The following RAI2 variants were observed in gnomAD, a reference collection of about 807,000 sequenced individuals.
RAI2 encodes the protein retinoic acid induced 2, also known as retinoic acid-induced protein 2.
Under a neutral mutation model 15.3 loss-of-function variants are expected in RAI2, and 5 were observed. The observed-to-expected ratio is 0.33, with a 90% CI of 0.17 to 0.69. The LOEUF is 0.69. Among genes scored for constraint, RAI2 ranks in the 30% least tolerant of loss-of-function variants. The pLI is 0.69. For missense variants in RAI2, 424 were observed against 424.7 expected (o/e 1.00, Z 0.01); for synonymous variants, 191 against 184.0 (o/e 1.04, Z -0.31).
intron 1 of RAI2, among the ~76,000 whole-genome samples, chrX:17,822,358 G>A (rs762852647): frequency 2.7e-5 from 3 of 111,971 alleles, no homozygotes; most frequent in South Asian, 7.5e-4. Context: ...CGTGACTAAA[G>A]ACATTTGAGT....
chrX:17,839,658 T>C lies in RAI2; in HGVS notation c.-25+21440A>G, dbSNP rs887318698. 2.7e-5 allele frequency among the ~76,000 whole-genome samples: 3 copies of C among 112,638 alleles called. No individual in the cohort carries two copies. The Admixed American group carries it at 2.8e-4, about 11-fold the overall frequency. ...ACAGTGAAAAATTCCCATCAGCGTA[T>C]GCACCATTTAACTCTCAGGAATCTC... On this transcript the variant is annotated intron_variant, in intron 1 of 1. Coordinates refer to ENST00000451717, the MANE Select transcript of RAI2 (RefSeq NM_021785.6).
chrX:17,802,771 G>A (rs1377178752), intron 1 of RAI2, among the ~76,000 whole-genome samples: 3 of 111,703 alleles, frequency 2.7e-5, no homozygotes, highest in Admixed American at 9.5e-5. Flanking sequence ...GAGGGCATTG[G>A]TGAGCCTAGG....
intron 1 of RAI2, chrX:17,837,702 A>G (rs2067350847): frequency 8.9e-6 from 1 of 112,550 alleles, no homozygotes; most frequent in African/African-American, 3.2e-5. Context: ...GCCTTATGCA[A>G]GTTGACTGCT....
chrX:17,801,267 G>A lies in RAI2; in HGVS notation c.744C>T (p.Ile248=). The part of the protein sequence containing the change: ...VPLPVPVPIP[I]PIPMPQSSES... The stretch of plus-strand genomic sequence containing the variant: ...CAGAACTCTGAGGCATCGGGATGGG[G>A]ATGGGAATAGGGACTGGCACAGGCA... Residue 248 remains isoleucine, a synonymous_variant, in exon 2 of 2, where the codon ATC becomes ATT. Coordinates refer to ENST00000451717, the MANE Select transcript of RAI2 (RefSeq NM_021785.6). 3.3e-6 allele frequency: 4 copies of A among 1,201,502 alleles called. No individual in the cohort carries two copies. Among genetic ancestry groups the A allele is most frequent in the Non-Finnish European group, 4.5e-6 (4 of 889,152 alleles).
intron 1 of RAI2, among the ~76,000 whole-genome samples, chrX:17,803,758 C>G (rs73189167): frequency 0.042 from 4,589 of 110,159 alleles, 255 homozygotes; most frequent in African/African-American, 0.14. Context: ...GGATCCAGAG[C>G]GTGTCTCCCT....
At chrX:17,853,172 A>G (rs1461050406) in intron 1 of RAI2, among the ~76,000 whole-genome samples, 1 of 111,345 alleles carries the variant, frequency 9.0e-6, no homozygotes, top group Non-Finnish European at 1.9e-5. Context: ...AGAAGCCACT[A>G]GTTCTTACAA....
At chrX:17,819,321 TA>T (rs2067140082) in intron 1 of RAI2, among the ~76,000 whole-genome samples, 2 of 112,267 alleles carry the variant, frequency 1.8e-5, no homozygotes, top group Non-Finnish European at 3.8e-5. Context: ...TTACAACAGC[TA>T]AACATTTAAA....
chrX:17,823,662 G>A (rs1212037425), intron 1 of RAI2, among the ~76,000 whole-genome samples: 1 of 111,924 alleles, frequency 8.9e-6, no homozygotes, highest in African/African-American at 3.2e-5. Context: ...ACTTTGATCA[G>A]GTAGCTTTGA....
intron 1 of RAI2, among the ~76,000 whole-genome samples, chrX:17,828,357 C>T (rs1056607329): frequency 9.9e-5 from 11 of 110,983 alleles, no homozygotes; most frequent in African/African-American, 3.6e-4. Flanking sequence ...ACCACAGCCT[C>T]TCCCTCCTGC....
chrX:17,815,686 T>C (rs2067099514), intron 1 of RAI2, among the ~76,000 whole-genome samples: 1 of 111,021 alleles, frequency 9.0e-6, no homozygotes, highest in East Asian at 2.8e-4. Flanking sequence ...TAGCGGAGAG[T>C]CAAGAGTGCT....
At chrX:17,845,129 C>G (rs1214114667) in intron 1 of RAI2, among the ~76,000 whole-genome samples, 1 of 112,087 alleles carries the variant, frequency 8.9e-6, no homozygotes, top group Non-Finnish European at 1.9e-5. Context: ...TACAGTGGTA[C>G]AGAGTGCCAC....
chrX:17,841,530 C>T (rs1395646040), intron 1 of RAI2, among the ~76,000 whole-genome samples: 1 of 112,723 alleles, frequency 8.9e-6, no homozygotes, highest in Non-Finnish European at 1.9e-5. Flanking sequence ...CGATTTAATT[C>T]TACAATATGG....
chrX:17,815,133 G>A (rs2067091564), intron 1 of RAI2, among the ~76,000 whole-genome samples: 1 of 111,279 alleles, frequency 9.0e-6, no homozygotes, highest in African/African-American at 3.3e-5. Context: ...CTCACTGTAT[G>A]TGTCCTAAAG....
intron 1 of RAI2, among the ~76,000 whole-genome samples, chrX:17,811,860 T>C (rs1195633646): frequency 3.6e-5 from 4 of 111,168 alleles, no homozygotes; most frequent in Non-Finnish European, 7.5e-5. Flanking sequence ...TCTGCCTAAT[T>C]TTGCTAGCTG....
At chrX:17,840,481 A>C (rs1384235774) in intron 1 of RAI2, among the ~76,000 whole-genome samples, 1 of 111,460 alleles carries the variant, frequency 9.0e-6, no homozygotes, top group Non-Finnish European at 1.9e-5. Flanking sequence ...AATTCCAGGC[A>C]CATAAAAGGC....
intron 1 of RAI2, among the ~76,000 whole-genome samples, chrX:17,802,635 G>A (rs752799365): frequency 4.5e-5 from 5 of 111,654 alleles, no homozygotes; most frequent in South Asian, 3.8e-4. Flanking sequence ...AGCAAAATCC[G>A]TTCCCCAGGG....
rs5955903 is a variant in RAI2 at position 17,817,864 on chromosome X, G to A, written c.-24-15830C>T. The stretch of plus-strand genomic sequence containing the variant: ...TCCCTGTAGATAGTCCTTTAGGAGA[G>A]TTAGCATCTATGGCTCAAGAACCTA... On this transcript the variant is annotated intron_variant, in intron 1 of 1. Transcript: ENST00000451717. Among the ~76,000 whole-genome samples the A allele has an allele frequency of 6.0e-3, 672 of 112,337 alleles. 5 individuals carry two copies. The highest frequency in any genetic ancestry group is 0.02 in the African/African-American group (621 of 30,885).
Position 17,819,843 on chromosome X carries a change from G to T in RAI2, c.-24-17809C>A, listed in dbSNP as rs892228878. ...GGAGGAGAGGGAATGAATTGGAAAG[G>T]AGCCTGAAGGGCCTTTTCTGGGGTG... is the stretch of plus-strand genomic sequence containing the variant. On this transcript the variant is annotated intron_variant, in intron 1 of 1. Coordinates refer to ENST00000451717, the MANE Select transcript of RAI2 (RefSeq NM_021785.6). Among the ~76,000 whole-genome samples, 3 of 112,352 alleles carry T rather than the reference G, an allele frequency of 2.7e-5. No homozygotes were observed. In the South Asian group the frequency reaches 1.1e-3, roughly 42 times the overall value.
chrX:17,810,936 C>G (rs1311114503), intron 1 of RAI2, among the ~76,000 whole-genome samples: 2 of 112,585 alleles, frequency 1.8e-5, no homozygotes, highest in African/African-American at 6.5e-5. Context: ...AGGTTGCCAT[C>G]TCTCTTGGCT....
Sources: gnomAD v4.1 joint callset for allele counts (sites outside exome capture counted in the v4.1 genomes callset) on GRCh38, gnomAD v4.1.1 for gene constraint, MANE v1.5 for transcripts, NCBI Gene and HGNC (gene_info 2026-07-23, HGNC 2026-07-21) for gene names.